ATP9B: variants seen among roughly 807,000 people sequenced by gnomAD.
ATP9B encodes the protein probable phospholipid-transporting ATPase IIB.
A neutral mutation model predicts 146.1 loss-of-function variants in ATP9B; 110 were observed. The observed-to-expected ratio is 0.75, with a 90% CI of 0.65 to 0.88. The LOEUF is 0.88. ATP9B is among the 40% of genes least tolerant of loss of function. The pLI is 0.00. For synonymous variants in ATP9B, 604 were observed against 569.7 expected, an observed-to-expected ratio of 1.06 and a Z score of -0.86; for missense variants, 1,499 against 1,496.4, an observed-to-expected ratio of 1.00 and a Z score of -0.03.
intron 7 of ATP9B, among the ~76,000 whole-genome samples, chr18:79,174,659 T>A (rs9946102): frequency 9.2e-5 from 14 of 152,240 alleles, no homozygotes; most frequent in African/African-American, 3.4e-4. Context: ...TGTGAGTGCA[T>A]ACACAAAACA....
At chr18:79,376,756 G>A (rs559906565) in intron 29 of ATP9B, among the ~76,000 whole-genome samples, 6 of 147,992 alleles carry the variant, frequency 4.1e-5, no homozygotes, top group South Asian at 2.1e-4. Flanking sequence ...GTGCAGTGGC[G>A]TGATCTGAGC....
chr18:79,307,327 G>A, intron 15 of ATP9B, 93 bp downstream of exon 15: 1 of 1,555,606 alleles, frequency 6.4e-7, no homozygotes, highest in South Asian at 1.2e-5. Flanking sequence ...GGAATATAGA[G>A]GAGCAGTTTA....
intron 5 of ATP9B, among the ~76,000 whole-genome samples, chr18:79,134,061 G>A (rs541323413): frequency 2.0e-5 from 3 of 152,314 alleles, no homozygotes; most frequent in South Asian, 2.1e-4. Context: ...CCCTTGAGTC[G>A]CATGTGACTC....
intron 6 of ATP9B, among the ~76,000 whole-genome samples, chr18:79,150,153 AAC>A (rs756278993): frequency 6.6e-6 from 1 of 152,208 alleles, no homozygotes; most frequent in Non-Finnish European, 1.5e-5. Context: ...TGCAAATTAA[AAC>A]ACAATGAAAT....
At chr18:79,078,959 G>C (rs2072941551) in intron 1 of ATP9B, among the ~76,000 whole-genome samples, 1 of 152,146 alleles carries the variant, frequency 6.6e-6, no homozygotes, top group Admixed American at 6.5e-5. Context: ...ACGGTTTCCA[G>C]CTTCGTCCAT....
At chr18:79,173,709 C>A (rs2095115669) in intron 7 of ATP9B, 1 of 456,012 alleles carries the variant, frequency 2.2e-6, no homozygotes, top group Non-Finnish European at 4.4e-6. Context: ...CAGTATCAAA[C>A]AATCTTGATT....
chr18:79,171,314 T>C (rs193022738), intron 7 of ATP9B, among the ~76,000 whole-genome samples: 110 of 152,334 alleles, frequency 7.2e-4, no homozygotes, highest in African/African-American at 2.6e-3. Flanking sequence ...AAGGGTGTTA[T>C]GAAGCAATTC....
At chr18:79,324,296 G>A (rs1412670044) in intron 15 of ATP9B, among the ~76,000 whole-genome samples, 1 of 151,954 alleles carries the variant, frequency 6.6e-6, no homozygotes, top group African/African-American at 2.4e-5. Context: ...CTGTGCAGTG[G>A]CTTTTTAGCC....
At chr18:79,209,470 G>A (rs2095564096) in intron 10 of ATP9B, 1 of 154,108 alleles carries the variant, frequency 6.5e-6, no homozygotes. Flanking sequence ...TCCTGAGGGA[G>A]ACTAAAGCTG....
chr18:79,220,375 C>T (rs1034509155), intron 11 of ATP9B, among the ~76,000 whole-genome samples: 4 of 152,054 alleles, frequency 2.6e-5, no homozygotes, highest in Non-Finnish European at 5.9e-5. Context: ...CTGAGGCGGC[C>T]GGATTTCTTG....
intron 15 of ATP9B, among the ~76,000 whole-genome samples, chr18:79,308,423 A>G (rs983907355): frequency 6.6e-6 from 1 of 152,216 alleles, no homozygotes; most frequent in African/African-American, 2.4e-5. Flanking sequence ...AAGAAATAAA[A>G]TGTAGTCTGT....
chr18:79,370,685 T>G (rs2097064085), intron 26 of ATP9B, among the ~76,000 whole-genome samples: 1 of 152,222 alleles, frequency 6.6e-6, no homozygotes, highest in South Asian at 2.1e-4. Flanking sequence ...TGTTTGCTTT[T>G]ATTAATCTAT....
rs572245181 is a variant in ATP9B at position 79,336,739 on chromosome 18, T to A, written c.2112+28T>A. Reference sequence around the variant, plus strand: ...GAGCCGACTCCCAGCCATCCCATCCTCCTACGACGTTTCCTTCCTTACGCT... The same window carrying A: ...GAGCCGACTCCCAGCCATCCCATCCACCTACGACGTTTCCTTCCTTACGCT... On this transcript the variant is annotated intron_variant, in intron 18 of 29. Coordinates refer to ENST00000426216, the MANE Select transcript of ATP9B (RefSeq NM_198531.5). The A allele has an allele frequency of 6.6e-4, 1,065 of 1,605,422 alleles. 12 individuals carry two copies. The South Asian group carries it at 0.011, about 17-fold the overall frequency.
At chr18:79,174,220 GA>G in intron 7 of ATP9B, 1 of 419,536 alleles carries the variant, frequency 2.4e-6, no homozygotes, top group Non-Finnish European at 4.7e-6. Context: ...TTTATTCTAG[GA>G]ATTTTCACTG....
Position 79,345,500 on chromosome 18 carries a change from T to C in ATP9B, c.2545T>C (p.Cys849Arg). 3 of 1,613,478 alleles carry C rather than the reference T, an allele frequency of 1.9e-6. No individual in the cohort carries two copies. The highest frequency in any genetic ancestry group is 2.5e-6 in the Non-Finnish European group (3 of 1,180,046). The change falls in exon 22 of 30, where the codon TGC becomes CGC. Residue 849 changes from cysteine to arginine, a missense_variant. By Grantham distance (180) the Cys-to-Arg change is radical. Coordinates refer to ENST00000426216, the MANE Select transcript of ATP9B (RefSeq NM_198531.5). ...CQCPAVVCCR[C>R]SPTQKARIVT... is the part of the protein sequence containing the mutation. ...GTGCCCTGCCGTGGTTTGCTGCCGCTGCTCACCCACCCAGAAGGCCCGCAT... is the reference window on the plus strand; with the variant it reads ...GTGCCCTGCCGTGGTTTGCTGCCGCCGCTCACCCACCCAGAAGGCCCGCAT...
chr18:79,286,434 T>A (rs2145982998), intron 13 of ATP9B, among the ~76,000 whole-genome samples: 1 of 151,808 alleles, frequency 6.6e-6, no homozygotes, highest in South Asian at 2.1e-4. Flanking sequence ...GTTATTGGTG[T>A]ATAAGAATGC....
chr18:79,255,062 G>A (rs561819549), intron 12 of ATP9B: 56 of 152,208 alleles, frequency 3.7e-4, no homozygotes, highest in African/African-American at 1.2e-3. Context: ...AACGGAGCAC[G>A]CTTGGGATGT....
chr18:79,330,124 G>T lies in ATP9B; in HGVS notation c.2028+20G>T. 6.2e-7 allele frequency: 1 copy of T among 1,603,334 alleles called. No individual in the cohort carries two copies. ...GAGGAGGTATGTGAGTGACTCTAGC[G>T]TGGTTCACAGTGTTTCTATGGAAGA... is the stretch of plus-strand genomic sequence containing the variant. On this transcript the variant is annotated intron_variant, in intron 17 of 29. Coordinates refer to ENST00000426216, the MANE Select transcript of ATP9B (RefSeq NM_198531.5).
chr18:79,292,107 G>T (rs1208325580), intron 13 of ATP9B, among the ~76,000 whole-genome samples: 3 of 152,192 alleles, frequency 2.0e-5, no homozygotes, highest in East Asian at 3.8e-4. Context: ...CCATCGTGTG[G>T]ATACACCACA....
Sources: gnomAD v4.1 joint callset for allele counts (sites outside exome capture counted in the v4.1 genomes callset) on GRCh38, gnomAD v4.1.1 for gene constraint, MANE v1.5 for transcripts, NCBI Gene and HGNC (gene_info 2026-07-23, HGNC 2026-07-21) for gene names.